Variants in HECTD2 observed in about 807,000 individuals in gnomAD.
HECTD2 encodes the protein probable E3 ubiquitin-protein ligase HECTD2.
A neutral mutation model predicts 103.2 loss-of-function variants in HECTD2; 35 were observed. The ratio of observed to expected loss-of-function variants is 0.34; its 90% CI spans 0.26 to 0.45. The LOEUF is 0.45. Ranked by LOEUF, HECTD2 falls within the 20% of genes least tolerant of loss-of-function variation. HECTD2 has a pLI of 1.00. For synonymous variants in HECTD2, 281 were observed against 329.9 expected, an observed-to-expected ratio of 0.85 and a Z score of 1.61; for missense variants, 596 against 937.4, an observed-to-expected ratio of 0.64 and a Z score of 4.76.
intron 2 of HECTD2, among the ~76,000 whole-genome samples, chr10:91,437,521 G>A (rs951010569): frequency 6.6e-6 from 1 of 151,836 alleles, no homozygotes; most frequent in Non-Finnish European, 1.5e-5. Flanking sequence ...TCAAAGGGAG[G>A]CGAATTAGAC....
In HECTD2 at chr10:91,412,621, T is replaced by A. The variant is rs574171291; in HGVS notation, c.138+2045T>A. On this transcript the variant is annotated intron_variant, in intron 1 of 20. Transcript: ENST00000298068. Reference sequence around the variant, plus strand: ...CTTTCAGAGTCAGTACCATTGATTATTTATTTTTTAAAAAAAAAAACAATT... The same window carrying A: ...CTTTCAGAGTCAGTACCATTGATTAATTATTTTTTAAAAAAAAAAACAATT... Among the ~76,000 whole-genome samples the A allele has an allele frequency of 5.7e-3, 858 of 151,398 alleles. 5 individuals are homozygous for A. Among genetic ancestry groups the A allele is most frequent in the Non-Finnish European group, 8.5e-3 (577 of 67,904 alleles).
At chr10:91,453,101 C>T (rs557149121) in intron 2 of HECTD2, among the ~76,000 whole-genome samples, 8 of 152,202 alleles carry the variant, frequency 5.3e-5, no homozygotes, top group South Asian at 2.1e-4. Flanking sequence ...AAAATTATAA[C>T]ACCAGCGTGG....
chr10:91,430,552 T>A (rs551472776), intron 2 of HECTD2, among the ~76,000 whole-genome samples: 3 of 152,308 alleles, frequency 2.0e-5, no homozygotes, highest in Admixed American at 6.5e-5. Flanking sequence ...GTTTTATGAA[T>A]CTGGGTGCTC....
intron 6 of HECTD2, among the ~76,000 whole-genome samples, 161 bp downstream of exon 6, chr10:91,478,426 T>A (rs1160520077): frequency 6.6e-6 from 1 of 152,214 alleles, no homozygotes; most frequent in East Asian, 1.9e-4. Flanking sequence ...ACAACAAAGC[T>A]GTATAACTTG....
intron 1 of HECTD2, among the ~76,000 whole-genome samples, chr10:91,421,218 T>G (rs1000738587): frequency 3.9e-5 from 6 of 152,220 alleles, no homozygotes; most frequent in Admixed American, 1.3e-4. Flanking sequence ...TTAGGCACAT[T>G]TTAGACCTAA....
intron 20 of HECTD2, among the ~76,000 whole-genome samples, chr10:91,511,647 C>A (rs558055691): frequency 2.6e-5 from 4 of 152,162 alleles, no homozygotes; most frequent in African/African-American, 4.8e-5. Flanking sequence ...GGGCATGCAA[C>A]CTAGATTCCT....
chr10:91,409,917 G>C (rs1842842680), upstream of HECTD2, among the ~76,000 whole-genome samples: 1 of 152,174 alleles, frequency 6.6e-6, no homozygotes, highest in South Asian at 2.1e-4. Context: ...GTGAAGGGTA[G>C]TCTGTGCCTA....
chr10:91,470,438 T>C (rs888290012), intron 5 of HECTD2, among the ~76,000 whole-genome samples: 10 of 152,264 alleles, frequency 6.6e-5, no homozygotes, highest in African/African-American at 2.4e-4. Context: ...TAAAACAGTC[T>C]GCTGCTGAAT....
At chr10:91,489,210 TAA>T (rs1231111615) in intron 11 of HECTD2, 3 of 151,890 alleles carry the variant, frequency 2.0e-5, no homozygotes, top group African/African-American at 4.8e-5. Flanking sequence ...TGTGACAGGC[TAA>T]GTTTTCTACA....
intron 5 of HECTD2, among the ~76,000 whole-genome samples, chr10:91,471,540 T>A (rs13376715): frequency 0.13 from 20,429 of 152,058 alleles, 3,101 homozygotes; most frequent in African/African-American, 0.38. Flanking sequence ...TTTGCAGATG[T>A]TATTATTCTA....
intron 9 of HECTD2, among the ~76,000 whole-genome samples, 156 bp downstream of exon 9, chr10:91,484,811 T>G (rs1846210158): frequency 6.6e-6 from 1 of 152,026 alleles, no homozygotes; most frequent in African/African-American, 2.4e-5. Flanking sequence ...GATAATAGAT[T>G]TCATAATTTA....
chr10:91,428,716 T>C lies in HECTD2; in HGVS notation c.268+3306T>C, dbSNP rs1385005501. Among the ~76,000 whole-genome samples the C allele has an allele frequency of 5.3e-5, 8 of 151,944 alleles. No individual in the cohort carries two copies. The South Asian group carries it at 6.2e-4, about 12-fold the overall frequency. On this transcript the variant is annotated intron_variant, in intron 2 of 20. Transcript: ENST00000298068. ...TGTATAAGAATGCTTGTGATTTTTGTACATTGATTTTGTATCCTGAGACTT... is the reference window on the plus strand; with the variant it reads ...TGTATAAGAATGCTTGTGATTTTTGCACATTGATTTTGTATCCTGAGACTT...
At chr10:91,426,395 A>C (rs1843559470) in intron 2 of HECTD2, among the ~76,000 whole-genome samples, 1 of 152,030 alleles carries the variant, frequency 6.6e-6, no homozygotes, top group African/African-American at 2.4e-5. Context: ...CTGGTAAATC[A>C]CCCATGTCCA....
At chr10:91,409,959 C>CT (rs1842843898), upstream of HECTD2, among the ~76,000 whole-genome samples, 1 of 152,222 alleles carries the variant, frequency 6.6e-6, no homozygotes, top group Non-Finnish European at 1.5e-5. Context: ...CTCGGACACT[C>CT]TATCCCCGTC....
chr10:91,449,427 C>T (rs1329169550), intron 2 of HECTD2, among the ~76,000 whole-genome samples: 1 of 152,154 alleles, frequency 6.6e-6, no homozygotes, highest in Non-Finnish European at 1.5e-5. Context: ...GACAAACCCA[C>T]AGTCAATATC....
chr10:91,431,503 A>G (rs1431207343), intron 2 of HECTD2, among the ~76,000 whole-genome samples: 4 of 152,096 alleles, frequency 2.6e-5, no homozygotes, highest in Admixed American at 2.0e-4. Flanking sequence ...TCTCCCCGTC[A>G]CTTTCAGGTA....
intron 5 of HECTD2, among the ~76,000 whole-genome samples, chr10:91,463,896 G>A (rs1050964320): frequency 2.6e-5 from 4 of 152,170 alleles, no homozygotes; most frequent in African/African-American, 7.2e-5. Flanking sequence ...CTCCTAACAT[G>A]AAGCATATGC....
chr10:91,510,898 C>G (rs919616630), intron 20 of HECTD2, among the ~76,000 whole-genome samples: 1 of 152,158 alleles, frequency 6.6e-6, no homozygotes, highest in African/African-American at 2.4e-5. Context: ...TTTACCAGCT[C>G]TCTATCCCTG....
intron 2 of HECTD2, among the ~76,000 whole-genome samples, chr10:91,431,811 T>C (rs1843889120): frequency 6.6e-6 from 1 of 152,102 alleles, no homozygotes; most frequent in South Asian, 2.1e-4. Context: ...TCAACTTCTT[T>C]GCCTTTGGTT....
Sources: gnomAD v4.1 joint callset for allele counts (sites outside exome capture counted in the v4.1 genomes callset) on GRCh38, gnomAD v4.1.1 for gene constraint, MANE v1.5 for transcripts, NCBI Gene and HGNC (gene_info 2026-07-23, HGNC 2026-07-21) for gene names.